Variants in TIAM1 observed in about 807,000 individuals in gnomAD.
TIAM1 encodes the protein TIAM Rac1 associated GEF 1.
TIAM1 carries 65 observed loss-of-function variants against 163.5 expected under a neutral mutation model. That is an observed-to-expected ratio of 0.40 (90% CI 0.33 to 0.49). TIAM1 has a LOEUF of 0.49. Ranked by LOEUF, TIAM1 falls within the 20% of genes least tolerant of loss-of-function variation. The probability of loss-of-function intolerance (pLI) is 0.77; values close to 1 mark genes in which losing one functional copy is unlikely to be tolerated. For synonymous variants in TIAM1, 833 were observed against 810.1 expected (o/e 1.03, Z -0.48); for missense variants, 1,789 against 2,044.7 (o/e 0.87, Z 2.41).
intron 9 of TIAM1, among the ~76,000 whole-genome samples, chr21:31,214,111 G>C (rs1314456219): frequency 6.6e-6 from 1 of 152,008 alleles, no homozygotes; most frequent in East Asian, 1.9e-4. Flanking sequence ...GATTGCTCCA[G>C]CCCAGGAGTT....
intron 2 of TIAM1, among the ~76,000 whole-genome samples, chr21:31,277,191 C>T (rs182728830): frequency 2.8e-4 from 43 of 152,286 alleles, no homozygotes; most frequent in Admixed American, 2.5e-3. Flanking sequence ...AAAGACTTTG[C>T]TGATAAAACA....
intron 2 of TIAM1, among the ~76,000 whole-genome samples, chr21:31,285,999 T>C (rs559142565): frequency 5.9e-5 from 9 of 152,276 alleles, no homozygotes; most frequent in Middle Eastern, 3.4e-3. Flanking sequence ...AGTATGTAAG[T>C]GTGTGTATAT....
At chr21:31,417,384 G>A (rs1263565119) in intron 2 of TIAM1, among the ~76,000 whole-genome samples, 1 of 152,162 alleles carries the variant, frequency 6.6e-6, no homozygotes, top group African/African-American at 2.4e-5. Context: ...TGGCTGGGGA[G>A]GCCTCACAGT....
At position 31,123,290 on chromosome 21, in the gene TIAM1, C is replaced by T. The variant is rs191725040; in HGVS notation, c.4306+1232G>A. On this transcript the variant is annotated intron_variant, in intron 27 of 27. Transcript: ENST00000541036. ...TTCCCAAACCTTTTTAAACATTTCCCTAGCAAACAAGAGGGGCAGATAAGA... is the reference window on the plus strand; with the variant it reads ...TTCCCAAACCTTTTTAAACATTTCCTTAGCAAACAAGAGGGGCAGATAAGA... Among the ~76,000 whole-genome samples, 3 of 152,280 alleles carry T rather than the reference C, an allele frequency of 2.0e-5. No homozygotes were observed. The East Asian group carries it at 5.8e-4, about 29-fold the overall frequency.
At position 31,426,913 on chromosome 21, in the gene TIAM1, GTTTTTA is replaced by G. The variant is rs2043813537; in HGVS notation, c.-369+37064_-369+37069del. Reference sequence around the variant, plus strand: ...GAGGGGCTTGGGGTGGGTGTTTTTAGTTTTTATTTTTATTTTATTATTACTTTTTTA... The same window carrying G: ...GAGGGGCTTGGGGTGGGTGTTTTTAGTTTTTATTTTATTATTACTTTTTTA... On this transcript the variant is annotated intron_variant, in intron 2 of 28. Coordinates refer to the TIAM1 transcript ENST00000286827. Among the ~76,000 whole-genome samples, 4 of 152,048 alleles carry G rather than the reference GTTTTTA, an allele frequency of 2.6e-5. No individual in the cohort carries two copies. The South Asian group carries it at 8.3e-4, about 32-fold the overall frequency.
chr21:31,315,946 C>T (rs945912240), intron 2 of TIAM1, among the ~76,000 whole-genome samples: 2 of 152,174 alleles, frequency 1.3e-5, no homozygotes, highest in Admixed American at 1.3e-4. Context: ...CACTGCACTC[C>T]AGTCTGGGAG....
chr21:31,322,020 T>C (rs1783088), intron 2 of TIAM1, among the ~76,000 whole-genome samples: 1,573 of 152,116 alleles, frequency 0.01, 11 homozygotes, highest in Non-Finnish European at 0.017. Flanking sequence ...GCCACCTGCA[T>C]GAGACTCCAT....
intron 10 of TIAM1, among the ~76,000 whole-genome samples, chr21:31,210,665 GAA>G (rs377626164): frequency 0.088 from 1,568 of 17,720 alleles, 147 homozygotes; most frequent in African/African-American, 0.14. Context: ...AAGAAAGAAA[GAA>G]AAAGAAAGAA....
chr21:31,400,047 C>CA (rs2077138790), intron 2 of TIAM1, among the ~76,000 whole-genome samples: 2 of 150,818 alleles, frequency 1.3e-5, no homozygotes, highest in Admixed American at 6.6e-5. Flanking sequence ...AAAAAACAAA[C>CA]AAAAAAACAA....
chr21:31,145,380 G>A (rs973213613), intron 20 of TIAM1, among the ~76,000 whole-genome samples: 7 of 152,262 alleles, frequency 4.6e-5, no homozygotes, highest in African/African-American at 1.2e-4. Context: ...TTACATATCC[G>A]GGGACCTGAT....
intron 1 of TIAM1, among the ~76,000 whole-genome samples, chr21:31,497,109 G>A (rs945742382): frequency 1.2e-4 from 18 of 152,150 alleles, no homozygotes; most frequent in Admixed American, 5.2e-4. Context: ...GCCATTGACC[G>A]GTATCGGTCA....
At chr21:31,285,597 C>T (rs1601826625) in intron 2 of TIAM1, among the ~76,000 whole-genome samples, 2 of 152,292 alleles carry the variant, frequency 1.3e-5, no homozygotes, top group East Asian at 1.9e-4. Flanking sequence ...TGGTGGCTCA[C>T]ATCTGTAATC....
chr21:31,404,008 A>G (rs1602197746), intron 2 of TIAM1, among the ~76,000 whole-genome samples: 3 of 152,178 alleles, frequency 2.0e-5, no homozygotes, highest in South Asian at 2.1e-4. Context: ...CAACTCACAC[A>G]GGGCTGTCAT....
intron 1 of TIAM1, among the ~76,000 whole-genome samples, chr21:31,522,106 T>C (rs962959406): frequency 3.3e-5 from 5 of 151,628 alleles, no homozygotes; most frequent in Non-Finnish European, 4.4e-5. Flanking sequence ...CTCCTGACCT[T>C]GTGATCCGCC....
chr21:31,222,658 T>G (rs1224274503), intron 8 of TIAM1, among the ~76,000 whole-genome samples: 1 of 141,908 alleles, frequency 7.0e-6, no homozygotes, highest in East Asian at 2.1e-4. Flanking sequence ...TGTGTATATA[T>G]ACATACATGT....
intron 2 of TIAM1, among the ~76,000 whole-genome samples, chr21:31,398,884 ATAGC>A (rs1381108881): frequency 1.3e-5 from 2 of 152,212 alleles, no homozygotes; most frequent in Non-Finnish European, 1.5e-5. Context: ...ACTATTAAAA[ATAGC>A]CTTTGGGATG....
chr21:31,258,813 C>CA (rs34060979), intron 4 of TIAM1, among the ~76,000 whole-genome samples: 278 of 141,520 alleles, frequency 2.0e-3, no homozygotes, highest in Middle Eastern at 7.2e-3. Flanking sequence ...GACTCCGTCT[C>CA]AAAAAAAAAA....
chr21:31,475,035 T>TTATTATTATTA (rs1351107101), intron 1 of TIAM1, among the ~76,000 whole-genome samples: 2 of 63,886 alleles, frequency 3.1e-5, no homozygotes, highest in Non-Finnish European at 6.4e-5. Flanking sequence ...TTTATTATTA[T>TTATTATTATTA]TATTATTATT....
At chr21:31,270,404 T>A (rs1243273602) in intron 3 of TIAM1, among the ~76,000 whole-genome samples, 1 of 152,158 alleles carries the variant, frequency 6.6e-6, no homozygotes, top group African/African-American at 2.4e-5. Context: ...TGGTACTAGA[T>A]CTCAAGCTTG....
Sources: gnomAD v4.1 joint callset for allele counts (sites outside exome capture counted in the v4.1 genomes callset) on GRCh38, gnomAD v4.1.1 for gene constraint, MANE v1.5 for transcripts, NCBI Gene and HGNC (gene_info 2026-07-23, HGNC 2026-07-21) for gene names.